ZNF385D: variants seen among roughly 807,000 people sequenced by gnomAD.
The protein encoded by ZNF385D is zinc finger protein 385D.
ZNF385D carries 15 observed loss-of-function variants against 35.8 expected under a neutral mutation model. The observed-to-expected ratio is 0.42, with a 90% CI of 0.28 to 0.64. The LOEUF (loss-of-function observed/expected upper bound fraction) is 0.64, where lower values mean the gene tolerates loss of function less well. Among genes scored for constraint, ZNF385D ranks in the 30% least tolerant of loss-of-function variants. ZNF385D has a pLI of 0.23. For missense variants in ZNF385D, 474 were observed against 494.6 expected (o/e 0.96, Z 0.39); for synonymous variants, 212 against 186.8 (o/e 1.13, Z -1.10).
At chr3:22,129,353 G>T (rs1390133124) in intron 3 of ZNF385D, among the ~76,000 whole-genome samples, 1 of 152,122 alleles carries the variant, frequency 6.6e-6, no homozygotes, top group African/African-American at 2.4e-5. Context: ...GTTTGTTCAA[G>T]GCCCAAGGCC....
chr3:21,815,832 A>C (rs1326941429), intron 3 of ZNF385D, among the ~76,000 whole-genome samples: 2 of 152,174 alleles, frequency 1.3e-5, no homozygotes, highest in Non-Finnish European at 2.9e-5. Context: ...TCATTTTATG[A>C]GGCCAGCATC....
At chr3:21,904,133 A>G (rs113997455) in intron 3 of ZNF385D, among the ~76,000 whole-genome samples, 2 of 151,770 alleles carry the variant, frequency 1.3e-5, no homozygotes, top group Admixed American at 6.6e-5. Context: ...TTGAAATCCC[A>G]TCTCTACTAA....
In ZNF385D at chr3:22,324,751, T is replaced by C. The variant is rs114848682; in HGVS notation, c.106+47699A>G. 8.7e-3 allele frequency among the ~76,000 whole-genome samples: 1,319 copies of C among 152,266 alleles called. 13 individuals are homozygous for C. The highest frequency in any genetic ancestry group is 0.029 in the African/African-American group (1,224 of 41,546). ...TTGAAAAAAGAAATCCATTACTGCC[T>C]TCCCTCACCACAAGTGCTACTCAAT... On this transcript the variant is annotated intron_variant, in intron 2 of 5. Transcript: ENST00000494108.
chr3:22,247,183 T>C (rs970575965), intron 2 of ZNF385D, among the ~76,000 whole-genome samples: 1 of 152,156 alleles, frequency 6.6e-6, no homozygotes, highest in Non-Finnish European at 1.5e-5. Flanking sequence ...TTATTTCCTA[T>C]TGTTTTTGAT....
intron 1 of ZNF385D, among the ~76,000 whole-genome samples, chr3:21,727,928 T>C (rs141882552): frequency 6.6e-6 from 1 of 152,204 alleles, no homozygotes; most frequent in African/African-American, 2.4e-5. Flanking sequence ...TGTCCATCAA[T>C]GATAGACTAG....
At chr3:22,340,641 G>A (rs564588893) in intron 2 of ZNF385D, among the ~76,000 whole-genome samples, 3 of 152,042 alleles carry the variant, frequency 2.0e-5, no homozygotes, top group Non-Finnish European at 4.4e-5. Flanking sequence ...GTGAGACTCT[G>A]TCTCCAAAAT....
intron 3 of ZNF385D, among the ~76,000 whole-genome samples, chr3:22,035,347 T>C (rs146119536): frequency 2.6e-5 from 4 of 152,316 alleles, no homozygotes; most frequent in African/African-American, 9.6e-5. Context: ...TATCTTCTCC[T>C]GTCTTTTAAA....
At chr3:22,036,926 T>C (rs913455821) in intron 3 of ZNF385D, among the ~76,000 whole-genome samples, 2 of 141,314 alleles carry the variant, frequency 1.4e-5, no homozygotes, top group African/African-American at 5.3e-5. Context: ...TGTGTTCTCA[T>C]TGTTCAATTC....
chr3:21,571,400 A>G (rs542950193), intron 2 of ZNF385D, among the ~76,000 whole-genome samples: 1 of 152,324 alleles, frequency 6.6e-6, no homozygotes, highest in African/African-American at 2.4e-5. Context: ...GGAATAAGCT[A>G]TTAAAAACAA....
chr3:21,704,186 G>C (rs1223640188), intron 1 of ZNF385D, among the ~76,000 whole-genome samples: 1 of 152,114 alleles, frequency 6.6e-6, no homozygotes, highest in Non-Finnish European at 1.5e-5. Context: ...TATTTTTGAG[G>C]TGACATTGCC....
intron 3 of ZNF385D, among the ~76,000 whole-genome samples, chr3:22,124,514 A>T (rs1293338177): frequency 1.3e-5 from 2 of 152,038 alleles, no homozygotes; most frequent in Non-Finnish European, 2.9e-5. Context: ...ACTTTTCTCC[A>T]TAGTGGCTGT....
intron 2 of ZNF385D, among the ~76,000 whole-genome samples, chr3:22,363,374 G>A (rs1359399215): frequency 6.6e-6 from 1 of 152,118 alleles, no homozygotes; most frequent in Non-Finnish European, 1.5e-5. Context: ...AAAATGGATA[G>A]GGCATTGTCT....
Position 21,631,802 on chromosome 3 carries a change from G to C in ZNF385D, c.165+33084C>G, listed in dbSNP as rs1218359067. Among the ~76,000 whole-genome samples the C allele has an allele frequency of 2.0e-5, 3 of 152,104 alleles. No homozygotes were observed. The East Asian group carries it at 5.8e-4, about 29-fold the overall frequency. ...TGGGTCTAACATAAGAAGGTGTTCT[G>C]ATGAGCACTGGGATAAAGCTCACCA... is the stretch of plus-strand genomic sequence containing the variant. On this transcript the variant is annotated intron_variant, in intron 2 of 7. Transcript: ENST00000281523.
At chr3:22,003,509 T>C (rs1474346308) in intron 3 of ZNF385D, among the ~76,000 whole-genome samples, 1 of 152,126 alleles carries the variant, frequency 6.6e-6, no homozygotes. Flanking sequence ...ACCAAAGGTA[T>C]TCTCTATACT....
intron 2 of ZNF385D, among the ~76,000 whole-genome samples, chr3:22,354,093 A>G (rs565811451): frequency 6.6e-6 from 1 of 152,036 alleles, no homozygotes; most frequent in Non-Finnish European, 1.5e-5. Context: ...TCTGCTTCTC[A>G]CTAGCATCCC....
chr3:21,607,151 A>G (rs923631785), intron 2 of ZNF385D, among the ~76,000 whole-genome samples: 3 of 152,238 alleles, frequency 2.0e-5, no homozygotes, highest in Non-Finnish European at 2.9e-5. Context: ...ACAGTAATCA[A>G]TGGCATCTCA....
At chr3:21,688,431 T>G (rs1407491059) in intron 1 of ZNF385D, among the ~76,000 whole-genome samples, 1 of 152,140 alleles carries the variant, frequency 6.6e-6, no homozygotes, top group Non-Finnish European at 1.5e-5. Context: ...AAACAAAATT[T>G]AAAGGTAATT....
chr3:21,778,502 G>T (rs550017197), intron 3 of ZNF385D, among the ~76,000 whole-genome samples: 44 of 151,944 alleles, frequency 2.9e-4, no homozygotes, highest in African/African-American at 1.0e-3. Context: ...TATCAGGCAA[G>T]CTATCACTGA....
intron 4 of ZNF385D, among the ~76,000 whole-genome samples, chr3:21,444,224 T>C (rs7634661): frequency 0.34 from 49,351 of 143,600 alleles, 9,767 homozygotes; most frequent in African/African-American, 0.58. Flanking sequence ...GGATTACAGG[T>C]GCGCACCACC....
Sources: gnomAD v4.1 joint callset for allele counts (sites outside exome capture counted in the v4.1 genomes callset) on GRCh38, gnomAD v4.1.1 for gene constraint, MANE v1.5 for transcripts, NCBI Gene and HGNC (gene_info 2026-07-23, HGNC 2026-07-21) for gene names.